Variants in SRPRA observed in about 807,000 individuals in gnomAD.
The protein encoded by SRPRA is SRP receptor subunit alpha.
SRPRA carries 30 observed loss-of-function variants against 61.1 expected under a neutral mutation model. The observed-to-expected ratio is 0.49, with a 90% CI of 0.37 to 0.67. The LOEUF (loss-of-function observed/expected upper bound fraction) is 0.67, where lower values mean the gene tolerates loss of function less well. Ranked by LOEUF, SRPRA falls within the 30% of genes least tolerant of loss-of-function variation. The probability of loss-of-function intolerance (pLI) is 0.00; values close to 1 mark genes in which losing one functional copy is unlikely to be tolerated. For synonymous variants in SRPRA, 324 were observed against 299.7 expected (o/e 1.08, Z -0.84); for missense variants, 759 against 828.4 (o/e 0.92, Z 1.03).
chr11:126,240,734 T>C, the SRPRA span: 2 of 1,495,002 alleles, frequency 1.3e-6, no homozygotes, highest in Non-Finnish European at 1.8e-6. Flanking sequence ...AGACAGTCTT[T>C]CTGTGTGCCT....
Position 126,264,594 on chromosome 11 carries a change from C to T in SRPRA, c.1526-55G>A. 6.3e-7 allele frequency: 1 copy of T among 1,587,296 alleles called. No homozygotes were observed. The highest frequency in any genetic ancestry group is 1.1e-5 in the South Asian group (1 of 88,748). On this transcript the variant is annotated intron_variant, in intron 11 of 13. Coordinates refer to ENST00000332118, the MANE Select transcript of SRPRA (RefSeq NM_003139.4). The surrounding 1 kb of genome is among the most constrained non-coding windows in gnomAD (Gnocchi z 5.0). The stretch of plus-strand genomic sequence containing the variant: ...ACCTGGACTACCACTCATGCTCGTT[C>T]CCAGCTTCCTCTCAAAAAGTCCTAG...
Position 126,266,822 on chromosome 11 carries a change from C to T in SRPRA, c.627G>A (p.Leu209=). 6.2e-7 allele frequency: 1 copy of T among 1,614,220 alleles called. No homozygotes were observed. The highest frequency in any genetic ancestry group is 8.5e-7 in the Non-Finnish European group (1 of 1,180,058). ...ENGVELSKEE[L]IRRKREEFIQ... ...TGAACTCCTCGCGCTTCCTGCGGAT[C>T]AGCTCCTCTTTGGAAAGTTCTACTC... The change falls in exon 5 of 14, where the codon CTG becomes CTA. Residue 209 remains leucine, a synonymous_variant. Coordinates refer to ENST00000332118, the MANE Select transcript of SRPRA (RefSeq NM_003139.4).
the SRPRA span, among the ~76,000 whole-genome samples, chr11:126,245,938 G>A: frequency 6.6e-6 from 1 of 150,884 alleles, no homozygotes; most frequent in Admixed American, 6.6e-5. Flanking sequence ...GGAGGTTGCA[G>A]TGAGCCGAGA....
chr11:126,252,689 G>A, the SRPRA span, among the ~76,000 whole-genome samples: 1 of 152,088 alleles, frequency 6.6e-6, no homozygotes, highest in East Asian at 1.9e-4. The surrounding 1 kb of genome is among the most constrained non-coding windows in gnomAD (Gnocchi z 4.7). Flanking sequence ...GCTACAGTGA[G>A]TTGTGATCAC....
the SRPRA span, among the ~76,000 whole-genome samples, chr11:126,244,707 G>A: frequency 6.6e-6 from 1 of 152,154 alleles, no homozygotes; most frequent in Non-Finnish European, 1.5e-5. The surrounding 1 kb of genome is among the most constrained non-coding windows in gnomAD (Gnocchi z 4.5). Context: ...GGGAGGTGGA[G>A]GCAGGAGAAT....
chr11:126,262,006 G>C, downstream of SRPRA: 1 of 943,376 alleles, frequency 1.1e-6, no homozygotes, highest in Non-Finnish European at 1.6e-6. Flanking sequence ...AAGATTCCTA[G>C]AATCTCCTGT....
the SRPRA span, among the ~76,000 whole-genome samples, chr11:126,240,194 A>T: frequency 2.6e-5 from 4 of 151,842 alleles, no homozygotes; most frequent in Admixed American, 2.0e-4. Flanking sequence ...ACTTTTTGTC[A>T]TGTCCTTTGA....
chr11:126,236,411 C>T, the SRPRA span, among the ~76,000 whole-genome samples: 1 of 152,216 alleles, frequency 6.6e-6, no homozygotes, highest in Non-Finnish European at 1.5e-5. Flanking sequence ...AAAATAGCCA[C>T]TCTGTTCTGA....
chr11:126,262,264 G>A, downstream of SRPRA: 1 of 912,086 alleles, frequency 1.1e-6, no homozygotes, highest in South Asian at 1.4e-5. Flanking sequence ...TGAAGGGCGG[G>A]GTAGAAGAGG....
At chr11:126,241,239 C>T in the SRPRA span, 1 of 507,602 alleles carries the variant, frequency 2.0e-6, no homozygotes, top group Non-Finnish European at 3.4e-6. Flanking sequence ...TTGTCTTAAC[C>T]CCATTTCACT....
At chr11:126,247,250 C>A in the SRPRA span, among the ~76,000 whole-genome samples, 1 of 152,136 alleles carries the variant, frequency 6.6e-6, no homozygotes, top group Non-Finnish European at 1.5e-5. Context: ...CACGTTCATG[C>A]CACTGTACTC....
downstream of SRPRA, among the ~76,000 whole-genome samples, chr11:126,258,699 G>A (rs1373121596): frequency 3.3e-5 from 5 of 152,160 alleles, no homozygotes; most frequent in African/African-American, 9.7e-5. Flanking sequence ...CTTTTCTGTT[G>A]CACATGTTGT....
the SRPRA span, chr11:126,250,606 A>G: frequency 2.5e-6 from 4 of 1,613,910 alleles, no homozygotes; most frequent in South Asian, 4.4e-5. This position sits in a 1 kb window ranked among gnomAD's most constrained non-coding sequence, Gnocchi z 5.1. Context: ...CAGCTACTTC[A>G]GTCAGTTCTC....
At chr11:126,248,555 A>C in the SRPRA span, among the ~76,000 whole-genome samples, 1 of 151,214 alleles carries the variant, frequency 6.6e-6, no homozygotes. Context: ...TTTTTAGTAG[A>C]GAGATGGGGT....
the SRPRA span, among the ~76,000 whole-genome samples, chr11:126,244,860 G>A: frequency 6.6e-6 from 1 of 152,116 alleles, no homozygotes; most frequent in South Asian, 2.1e-4. This position sits in a 1 kb window ranked among gnomAD's most constrained non-coding sequence, Gnocchi z 4.5. Context: ...AACACTGAAA[G>A]AAATGAAAGA....
the SRPRA span, among the ~76,000 whole-genome samples, chr11:126,245,787 G>A: frequency 1.3e-5 from 2 of 151,950 alleles, no homozygotes; most frequent in Admixed American, 6.6e-5. Flanking sequence ...ACCTGAGGTC[G>A]GAAGTTCGAG....
chr11:126,238,518 G>T, the SRPRA span, among the ~76,000 whole-genome samples: 1 of 152,184 alleles, frequency 6.6e-6, no homozygotes, highest in Non-Finnish European at 1.5e-5. Context: ...GTACAGAGTT[G>T]ATTCCTAGAG....
the SRPRA span, chr11:126,256,892 C>T: frequency 6.4e-7 from 1 of 1,558,484 alleles, no homozygotes; most frequent in Non-Finnish European, 8.7e-7. This position sits in a 1 kb window ranked among gnomAD's most constrained non-coding sequence, Gnocchi z 6.6. Flanking sequence ...CAGAGAACAA[C>T]AGCTCTTCAG....
rs753335692 is a variant in SRPRA, at chr11:126,266,648, C to T, written c.687-19G>A. On this transcript the variant is annotated intron_variant, in intron 5 of 13. Coordinates refer to ENST00000332118, the MANE Select transcript of SRPRA (RefSeq NM_003139.4). ...GGACTTGCTGCAACAGGTTATGATA[C>T]AAAGAGTTATGGTGGAGAAGTAGGA... 13 of 1,612,506 alleles carry T rather than the reference C, an allele frequency of 8.1e-6. No homozygotes were observed. The Admixed American group carries it at 2.0e-4, about 25-fold the overall frequency.
Sources: gnomAD v4.1 joint callset for allele counts (sites outside exome capture counted in the v4.1 genomes callset) on GRCh38, gnomAD v4.1.1 for gene constraint, Gnocchi (gnomAD v3.1) non-coding constraint, MANE v1.5 for transcripts, NCBI Gene and HGNC (gene_info 2026-07-23, HGNC 2026-07-21) for gene names.